Variants in MUC6 observed in about 807,000 individuals in gnomAD.
MUC6 encodes the protein mucin 6, oligomeric mucus/gel-forming (gene/pseudogene).
A neutral mutation model predicts 201.5 loss-of-function variants in MUC6; 188 were observed. The ratio of observed to expected loss-of-function variants is 0.93; its 90% CI spans 0.83 to 1.05. MUC6 has a LOEUF of 1.05. MUC6 is among the 50% of genes least tolerant of loss of function. The probability of loss-of-function intolerance (pLI) is 0.00; values close to 1 mark genes in which losing one functional copy is unlikely to be tolerated. For missense variants in MUC6, 2,706 were observed against 3,256.9 expected (o/e 0.83, Z 4.12); for synonymous variants, 1,228 against 1,389.4 (o/e 0.88, Z 2.58).
intron 1 of MUC6, among the ~76,000 whole-genome samples, chr11:1,034,696 T>C (rs1292099785): frequency 2.0e-5 from 3 of 152,170 alleles, no homozygotes; most frequent in Admixed American, 1.3e-4. Context: ...ACTCAGTTTC[T>C]CCACCTTTCC....
intron 19 of MUC6, among the ~76,000 whole-genome samples, 155 bp from the exon 20 acceptor site, chr11:1,026,633 C>T (rs1392844755): frequency 6.6e-6 from 1 of 152,248 alleles, no homozygotes; most frequent in Non-Finnish European, 1.5e-5. Context: ...GGCTTACTGC[C>T]TTAGCAAAGC....
chr11:1,014,457 G>T (rs1286635686), intron 31 of MUC6, among the ~76,000 whole-genome samples: 1 of 152,124 alleles, frequency 6.6e-6, no homozygotes, highest in Non-Finnish European at 1.5e-5. Context: ...GTGTGCCCCA[G>T]CTGGGGAGGA....
chr11:1,023,333 AATGAAT>A (rs918575594), intron 26 of MUC6, among the ~76,000 whole-genome samples, 170 bp downstream of exon 26: 1 of 151,506 alleles, frequency 6.6e-6, no homozygotes, highest in African/African-American at 2.4e-5. Flanking sequence ...AATCTGCATG[AATGAAT>A]GTGAATGTGC....
At chr11:1,014,655 A>G (rs1343654209) in intron 31 of MUC6, among the ~76,000 whole-genome samples, 1 of 152,122 alleles carries the variant, frequency 6.6e-6, no homozygotes, top group Admixed American at 6.5e-5. Context: ...GCGTGGGTTT[A>G]AAAGTGGAAA....
intron 1 of MUC6, among the ~76,000 whole-genome samples, chr11:1,035,056 G>A (rs891801063): frequency 6.6e-6 from 1 of 152,230 alleles, no homozygotes; most frequent in African/African-American, 2.4e-5. Flanking sequence ...GCACGAGGCG[G>A]CAGGTGCGCA....
In MUC6 at chr11:1,025,812, A is replaced by G; in HGVS notation, c.2792T>C (p.Phe931Ser). The G allele has an allele frequency of 6.2e-7, 1 of 1,611,900 alleles. No individual in the cohort carries two copies. The highest frequency in any genetic ancestry group is 8.5e-7 in the Non-Finnish European group (1 of 1,179,490). The change falls in exon 22 of 33, where the codon TTC becomes TCC. Residue 931 changes from phenylalanine to serine, a missense_variant. Coordinates refer to ENST00000421673, the MANE Select transcript of MUC6 (RefSeq NM_005961.3). The part of the protein sequence containing the change: ...GVTCSRAIKI[F>S]LGGLSVVLAD... ...GTCTGCCCGGCTGCTCACCCCCAGG[A>G]AGATCTTGATGGCCCGTGAGCATGT... is the stretch of plus-strand genomic sequence containing the variant.
intron 8 of MUC6, 99 bp downstream of exon 8, chr11:1,030,114 G>A: frequency 7.3e-7 from 1 of 1,376,786 alleles, no homozygotes; most frequent in Non-Finnish European, 9.7e-7. Context: ...GCAGAATGTT[G>A]GGGTGACCTG....
intron 29 of MUC6, 91 bp from the exon 30 acceptor site, chr11:1,019,587 C>G: frequency 8.2e-7 from 1 of 1,223,182 alleles, no homozygotes; most frequent in Non-Finnish European, 1.2e-6. Flanking sequence ...TTCTGGGATC[C>G]CTGGCCTGCT....
intron 17 of MUC6, 32 bp downstream of exon 17, chr11:1,027,236 A>ACC (rs765263597): frequency 6.2e-7 from 1 of 1,608,192 alleles, no homozygotes; most frequent in Non-Finnish European, 8.5e-7. Flanking sequence ...CCTGGCAGGG[A>ACC]CCCCCCGCCT....
intron 7 of MUC6, 88 bp downstream of exon 7, chr11:1,030,485 G>A: frequency 7.0e-7 from 1 of 1,435,838 alleles, no homozygotes; most frequent in Non-Finnish European, 9.3e-7. Flanking sequence ...AGGGATGCAG[G>A]CGTCACGTCA....
Position 1,016,528 on chromosome 11 carries a change from C to G in MUC6, c.6273G>C (p.Ser2091=), listed in dbSNP as rs377729497. ...ATASSSFISS[S]SWLPQNSSSR... is the part of the protein sequence containing the mutation. ...AGCTAGAGTTCTGAGGCAGCCAAGACGAGGAGGATATGAAGGAAGAAGAGG... is the reference window on the plus strand; with the variant it reads ...AGCTAGAGTTCTGAGGCAGCCAAGAGGAGGAGGATATGAAGGAAGAAGAGG... Residue 2091 remains serine (S), a synonymous_variant, in exon 31 of 33, where the codon TCG becomes TCC. Coordinates refer to ENST00000421673, the MANE Select transcript of MUC6 (RefSeq NM_005961.3). The G allele has an allele frequency of 1.3e-5, 19 of 1,487,034 alleles. No individual in the cohort carries two copies. In the African/African-American group the frequency reaches 4.1e-4, roughly 32 times the overall value. 92.1% of individuals were successfully genotyped at this position (1,487,034 alleles called of 1,614,324 possible).
chr11:1,030,366 T>TGCCCCCCCCCCC, intron 7 of MUC6, 31 bp from the exon 8 acceptor site: 45 of 1,489,352 alleles, frequency 3.0e-5, no homozygotes, highest in East Asian at 7.6e-5. Flanking sequence ...GGTGAGAGGG[T>TGCCCCCCCCCCC]CCCACCCCCC....
chr11:1,018,420 T>C lies in MUC6; in HGVS notation c.4381A>G (p.Thr1461Ala). Residue 1461 changes from threonine to alanine, a missense_variant, in exon 31 of 33, where the codon ACA becomes GCA. By Grantham distance (58) the Thr-to-Ala change is moderately conservative (BLOSUM62 0). This residue lies in a region of MUC6 where 128 missense variants were observed against 206.5 expected (regional missense o/e 0.62). Coordinates refer to ENST00000421673, the MANE Select transcript of MUC6 (RefSeq NM_005961.3). ...STSLVTPSTH[T>A]VITPTHAQMA... ...TGTGCGTGGGTAGGGGTGATGACTGTGTGAGTACTTGGAGTCACCAAGGAG... is the reference window on the plus strand; with the variant it reads ...TGTGCGTGGGTAGGGGTGATGACTGCGTGAGTACTTGGAGTCACCAAGGAG... The C allele has an allele frequency of 6.2e-7, 1 of 1,613,958 alleles. No homozygotes were observed. The highest frequency in any genetic ancestry group is 8.5e-7 in the Non-Finnish European group (1 of 1,179,878).
At position 1,016,246 on chromosome 11, in the gene MUC6, A is replaced by G; in HGVS notation, c.6555T>C (p.Thr2185=). 6.2e-7 allele frequency: 1 copy of G among 1,613,242 alleles called. No homozygotes were observed. Among genetic ancestry groups the G allele is most frequent in the South Asian group, 1.1e-5 (1 of 90,984 alleles). Residue 2185 remains threonine (T), a synonymous_variant, in exon 31 of 33, where the codon ACT becomes ACC. Transcript: ENST00000421673. ...CAGACACTGATGCAGTCGTGGGATGAGTGGACAATGAGGAGTGTGACCCCG... is the reference window on the plus strand; with the variant it reads ...CAGACACTGATGCAGTCGTGGGATGGGTGGACAATGAGGAGTGTGACCCCG... ...LSSGSHSSLS[T]HPTTASVSAS...
chr11:1,023,350 G>C (rs532550885), intron 26 of MUC6, among the ~76,000 whole-genome samples, 159 bp downstream of exon 26: 1 of 148,252 alleles, frequency 6.7e-6, no homozygotes, highest in Non-Finnish European at 1.5e-5. Flanking sequence ...GTGAATGTGC[G>C]TGAGTGTGTG....
At position 1,028,312 on chromosome 11, in the gene MUC6, G is replaced by A. The variant is rs770422213; in HGVS notation, c.1667C>T (p.Ser556Leu). The A allele has an allele frequency of 8.7e-6, 14 of 1,611,940 alleles. No homozygotes were observed. The highest frequency in any genetic ancestry group is 4.5e-5 in the East Asian group (2 of 44,862). The change falls in exon 14 of 33, where the codon TCG becomes TTG. Residue 556 changes from serine (S) to leucine (L), a missense_variant. Coordinates refer to ENST00000421673, the MANE Select transcript of MUC6 (RefSeq NM_005961.3). ...CGCCCGCCAGGAGTCCACAAACAGC[G>A]AGGCGGTGCCCTCGGCGATACCCAT... ...TSMGIAEGTA[S>L]LFVDSWRAGN... is the part of the protein sequence containing the mutation.
chr11:1,026,790 G>T, intron 19 of MUC6, 151 bp downstream of exon 19: 1 of 896,858 alleles, frequency 1.1e-6, no homozygotes, highest in Non-Finnish European at 1.7e-6. Context: ...GCCTCCAGCT[G>T]CCTGGCCACA....
Position 1,029,146 on chromosome 11 carries a change from G to C in MUC6, c.1280C>G (p.Pro427Arg). 6.2e-7 allele frequency: 1 copy of C among 1,611,510 alleles called. No homozygotes were observed. Among genetic ancestry groups the C allele is most frequent in the Non-Finnish European group, 8.5e-7 (1 of 1,179,354 alleles). Residue 427 changes from proline (P) to arginine (R), a missense_variant, in exon 11 of 33, where the codon CCC becomes CGC. Pro to Arg is a moderately radical substitution (Grantham distance 103, BLOSUM62 -2). Around this residue, in one of 10 missense-constraint regions of MUC6, gnomAD observed 1,850 missense variants for 1,958.3 expected, o/e 0.94. Transcript: ENST00000421673. ...GTCTYILLQS[P>R]QLPEDGALMA... The stretch of plus-strand genomic sequence containing the variant: ...GAGGGCACCGTCCTCGGGAAGCTGG[G>C]GGCTCTGCGAGGGGGCGGGGCTCAG...
intron 26 of MUC6, among the ~76,000 whole-genome samples, chr11:1,023,113 GTGAA>G (rs1336686049): frequency 6.6e-6 from 1 of 151,158 alleles, no homozygotes; most frequent in Non-Finnish European, 1.5e-5. Flanking sequence ...GATGAATGGA[GTGAA>G]TGTGCATGAG....
Sources: gnomAD v4.1 joint callset for allele counts (sites outside exome capture counted in the v4.1 genomes callset) on GRCh38, gnomAD v4.1.1 for gene constraint, gnomAD v4.1.1 regional missense constraint, MANE v1.5 for transcripts, NCBI Gene and HGNC (gene_info 2026-07-23, HGNC 2026-07-21) for gene names.